PARD3B: variants seen among roughly 807,000 people sequenced by gnomAD.
The protein encoded by PARD3B is par-3 family cell polarity regulator beta, also known as partitioning defective 3 homolog B.
A neutral mutation model predicts 130.2 loss-of-function variants in PARD3B; 103 were observed. The observed-to-expected ratio is 0.79, with a 90% CI of 0.67 to 0.93. PARD3B has a LOEUF of 0.93. Ranked by LOEUF, PARD3B falls within the 40% of genes least tolerant of loss-of-function variation. PARD3B has a pLI of 0.00. For synonymous variants in PARD3B, 583 were observed against 553.2 expected, an observed-to-expected ratio of 1.05 and a Z score of -0.76; for missense variants, 1,609 against 1,499.2, an observed-to-expected ratio of 1.07 and a Z score of -1.21.
intron 2 of PARD3B, among the ~76,000 whole-genome samples, chr2:204,909,940 G>C (rs1305477427): frequency 6.6e-6 from 1 of 152,150 alleles, no homozygotes; most frequent in Non-Finnish European, 1.5e-5. Context: ...CATAAATAAT[G>C]TGTAGAGTCA....
chr2:205,089,159 CTTTT>C (rs1559426024), intron 4 of PARD3B, among the ~76,000 whole-genome samples: 2 of 125,088 alleles, frequency 1.6e-5, no homozygotes, highest in Non-Finnish European at 3.4e-5. Flanking sequence ...TTTTTTTTTT[CTTTT>C]TTTCTTTTTT....
Position 204,943,154 on chromosome 2 carries a change from ATG to A in PARD3B, c.223-21986_223-21985del, listed in dbSNP as rs904473098. Among the ~76,000 whole-genome samples, 6 of 151,484 alleles carry A rather than the reference ATG, an allele frequency of 4.0e-5. No individual in the cohort carries two copies. The highest frequency in any genetic ancestry group is 9.7e-5 in the African/African-American group (4 of 41,270). ...AGTTTTTCACATTCTTAATGTGTGT[ATG>A]TGTGTGTGTGTATGTGTATGCATAT... On this transcript the variant is annotated intron_variant, in intron 2 of 22. Transcript: ENST00000406610. The surrounding 1 kb of genome is among the most constrained non-coding windows in gnomAD (Gnocchi z 4.2).
intron 3 of PARD3B, among the ~76,000 whole-genome samples, chr2:204,984,557 C>T (rs1432010204): frequency 1.3e-5 from 2 of 149,196 alleles, no homozygotes; most frequent in East Asian, 3.9e-4. Context: ...ATGTGTATTC[C>T]TTTGTATTCA....
chr2:205,165,695 G>A (rs935665036), intron 11 of PARD3B, among the ~76,000 whole-genome samples: 3 of 151,218 alleles, frequency 2.0e-5, no homozygotes, highest in Non-Finnish European at 2.9e-5. Flanking sequence ...TCCAGCCGGA[G>A]CAACAAGAGG....
intron 18 of PARD3B, among the ~76,000 whole-genome samples, chr2:205,347,221 TAG>T (rs2043826558): frequency 6.6e-6 from 1 of 152,326 alleles, no homozygotes; most frequent in South Asian, 2.1e-4. Flanking sequence ...TGAAATTATA[TAG>T]AGTCTATGGC....
intron 15 of PARD3B, among the ~76,000 whole-genome samples, chr2:205,210,411 A>G (rs954570229): frequency 1.3e-5 from 2 of 152,184 alleles, no homozygotes; most frequent in African/African-American, 4.8e-5. Context: ...TACTTCTACA[A>G]CATTATCTTT....
rs1574622865 is a variant in PARD3B at position 204,652,301 on chromosome 2, G to A, written c.121-33880G>A. On this transcript the variant is annotated intron_variant, in intron 1 of 22. Transcript: ENST00000406610. ...TCTTTGTGAATGCACACGACTGTAT[G>A]CATTAGGAGCAGCCAGGTCACATTG... Among the ~76,000 whole-genome samples the A allele has an allele frequency of 2.0e-5, 3 of 152,124 alleles. No individual in the cohort carries two copies. In the East Asian group the frequency reaches 5.8e-4, roughly 29 times the overall value.
Position 205,589,853 on chromosome 2 carries a change from A to G in PARD3B, c.3261-25603A>G, listed in dbSNP as rs1227439874. 6.6e-6 allele frequency among the ~76,000 whole-genome samples: 1 copy of G among 152,110 alleles called. No individual in the cohort carries two copies. The highest frequency in any genetic ancestry group is 1.5e-5 in the Non-Finnish European group (1 of 68,014). ...CCCTCCTACACTCCATGCCTCTCCT[A>G]TTTCCCTGTCCACTAACATCTTTAG... On this transcript the variant is annotated intron_variant, in intron 22 of 22. Transcript: ENST00000406610. The surrounding 1 kb of genome is among the most constrained non-coding windows in gnomAD (Gnocchi z 4.1).
chr2:205,273,532 A>G (rs567963511), intron 16 of PARD3B, among the ~76,000 whole-genome samples: 1 of 152,324 alleles, frequency 6.6e-6, no homozygotes, highest in South Asian at 2.1e-4. Context: ...TAAAGGAGCA[A>G]CTACTTTGGA....
Position 205,287,589 on chromosome 2 carries a change from G to A in PARD3B, c.2186-12941G>A, listed in dbSNP as rs950731667. On this transcript the variant is annotated intron_variant, in intron 16 of 22. Coordinates refer to ENST00000406610, the MANE Select transcript of PARD3B (RefSeq NM_001302769.2). The surrounding 1 kb of genome is among the most constrained non-coding windows in gnomAD (Gnocchi z 4.8). ...GGGAAGAAATGCACTGATTAGTCAT[G>A]TCTGGGTCGTAGGCACACTGAATGA... Among the ~76,000 whole-genome samples, 1 of 152,174 alleles carries A rather than the reference G, an allele frequency of 6.6e-6. No individual in the cohort carries two copies. The highest frequency in any genetic ancestry group is 2.4e-5 in the African/African-American group (1 of 41,440).
chr2:204,955,565 A>C (rs1466120111), intron 2 of PARD3B, among the ~76,000 whole-genome samples: 1 of 152,226 alleles, frequency 6.6e-6, no homozygotes, highest in Non-Finnish European at 1.5e-5. Context: ...TCATTCATTT[A>C]CCTAAGGAAT....
At chr2:204,944,194 C>G (rs989650087) in intron 2 of PARD3B, among the ~76,000 whole-genome samples, 2 of 152,146 alleles carry the variant, frequency 1.3e-5, no homozygotes, top group African/African-American at 2.4e-5. Flanking sequence ...AAGAAATGTG[C>G]ATGGGGAAAA....
intron 2 of PARD3B, among the ~76,000 whole-genome samples, chr2:204,699,970 C>T (rs2037814928): frequency 6.6e-6 from 1 of 152,080 alleles, no homozygotes; most frequent in Admixed American, 6.6e-5. Context: ...TATACACTAA[C>T]AGAAAATGTA....
At chr2:204,986,101 CAAAAAAAAAAAAAAA>C (rs371839271) in intron 3 of PARD3B, among the ~76,000 whole-genome samples, 1 of 51,240 alleles carries the variant, frequency 2.0e-5, no homozygotes, top group East Asian at 7.0e-4. Flanking sequence ...ACTCTGTCTC[CAAAAAAAAAAAAAAA>C]AAAAAAAAAA....
At chr2:205,181,271 A>G in intron 13 of PARD3B, among the ~76,000 whole-genome samples, 1 of 152,240 alleles carries the variant, frequency 6.6e-6, no homozygotes, top group Admixed American at 6.5e-5. Context: ...TCTGGGGACC[A>G]GCATGTATCT....
At chr2:205,457,015 G>A (rs939872376) in intron 20 of PARD3B, among the ~76,000 whole-genome samples, 3 of 151,396 alleles carry the variant, frequency 2.0e-5, no homozygotes, top group Non-Finnish European at 4.4e-5. Context: ...AATGTGTAAG[G>A]AAAGTATTAC....
intron 2 of PARD3B, among the ~76,000 whole-genome samples, chr2:204,789,583 TC>T (rs1287848490): frequency 6.6e-6 from 1 of 152,220 alleles, no homozygotes; most frequent in Non-Finnish European, 1.5e-5. Context: ...TGATTTTAAT[TC>T]TGCAATGAAG....
chr2:205,177,982 G>GAA (rs2125766020), intron 13 of PARD3B, among the ~76,000 whole-genome samples: 1 of 151,652 alleles, frequency 6.6e-6, no homozygotes, highest in South Asian at 2.1e-4. Flanking sequence ...AACTATTGGA[G>GAA]TCCTTTCACC....
At chr2:205,188,613 T>C (rs982846381) in intron 14 of PARD3B, among the ~76,000 whole-genome samples, 5 of 151,990 alleles carry the variant, frequency 3.3e-5, no homozygotes, top group Non-Finnish European at 5.9e-5. Context: ...GTCTTAAGCC[T>C]TGAAACTCTC....
Sources: gnomAD v4.1 joint callset for allele counts (sites outside exome capture counted in the v4.1 genomes callset) on GRCh38, gnomAD v4.1.1 for gene constraint, Gnocchi (gnomAD v3.1) non-coding constraint, MANE v1.5 for transcripts, NCBI Gene and HGNC (gene_info 2026-07-23, HGNC 2026-07-21) for gene names.